Variants in CDH2 observed in about 807,000 individuals in gnomAD.
CDH2 encodes the protein cadherin 2.
Under a neutral mutation model 92.0 loss-of-function variants are expected in CDH2, and 17 were observed. The observed-to-expected ratio is 0.18, with a 90% confidence interval of 0.13 to 0.28. The LOEUF (loss-of-function observed/expected upper bound fraction) is 0.28. CDH2 is among the 10% of genes least tolerant of loss of function. The probability of loss-of-function intolerance (pLI) is 1.00; values close to 1 mark genes in which losing one functional copy is unlikely to be tolerated. For missense variants in CDH2, 862 were observed against 1,133.1 expected (o/e 0.76, Z 3.44); for synonymous variants, 419 against 415.9 (o/e 1.01, Z -0.09).
chr18:27,937,890 A>AT (rs528277577), intron 6 of CDH2, among the ~76,000 whole-genome samples: 16 of 152,182 alleles, frequency 1.1e-4, no homozygotes, highest in African/African-American at 3.9e-4. Flanking sequence ...ACACCAAAAT[A>AT]TTTTTTTAAC....
chr18:28,074,323 A>G (rs2014677253), intron 2 of CDH2, among the ~76,000 whole-genome samples: 1 of 152,216 alleles, frequency 6.6e-6, no homozygotes, highest in Non-Finnish European at 1.5e-5. Context: ...AGCCACCAGC[A>G]TAACTGTGCA....
At chr18:28,117,117 AT>A (rs1331516884) in intron 2 of CDH2, among the ~76,000 whole-genome samples, 1 of 152,084 alleles carries the variant, frequency 6.6e-6, no homozygotes, top group African/African-American at 2.4e-5. Context: ...GCTATTTAAT[AT>A]TCTCTTTAAA....
chr18:27,966,380 G>A (rs1408354675), intron 14 of CDH2, among the ~76,000 whole-genome samples: 1 of 152,116 alleles, frequency 6.6e-6, no homozygotes, highest in Non-Finnish European at 1.5e-5. Context: ...GAATATAGAG[G>A]AATTTCGTTC....
At chr18:28,036,699 CAG>C (rs1246581129) in intron 2 of CDH2, 4 of 631,134 alleles carry the variant, frequency 6.3e-6, no homozygotes, top group East Asian at 2.6e-5. Context: ...GTCAGCAAAA[CAG>C]AGATTGGGTG....
intron 2 of CDH2, among the ~76,000 whole-genome samples, chr18:28,019,196 A>C (rs1191908782): frequency 6.6e-6 from 1 of 152,034 alleles, no homozygotes; most frequent in Non-Finnish European, 1.5e-5. Flanking sequence ...TACATTGTAC[A>C]CTGCTCGGGT....
intron 1 of CDH2, among the ~76,000 whole-genome samples, chr18:28,158,914 T>C (rs989507503): frequency 5.3e-5 from 8 of 152,214 alleles, no homozygotes; most frequent in Non-Finnish European, 8.8e-5. Context: ...GAAAATACAG[T>C]AATTTTTCAT....
intron 13 of CDH2, among the ~76,000 whole-genome samples, chr18:27,983,321 C>T (rs2012120357): frequency 6.6e-6 from 1 of 152,182 alleles, no homozygotes; most frequent in South Asian, 2.1e-4. Context: ...TGCAAACTCA[C>T]TTGAGAGGTG....
At chr18:28,145,312 A>G (rs1049643463) in intron 2 of CDH2, among the ~76,000 whole-genome samples, 1 of 152,194 alleles carries the variant, frequency 6.6e-6, no homozygotes, top group African/African-American at 2.4e-5. Flanking sequence ...AGAACATGCT[A>G]TGAGGTGAAT....
At chr18:28,152,734 G>C (rs146373084) in intron 1 of CDH2, among the ~76,000 whole-genome samples, 1 of 152,146 alleles carries the variant, frequency 6.6e-6, no homozygotes, top group South Asian at 2.1e-4. Flanking sequence ...AGCACAGACC[G>C]AATGCATCTG....
chr18:28,142,794 T>A (rs908196056), intron 2 of CDH2, among the ~76,000 whole-genome samples: 6 of 151,994 alleles, frequency 3.9e-5, no homozygotes, highest in African/African-American at 7.2e-5. Flanking sequence ...CATTTACACA[T>A]TTGATAAAAA....
intron 2 of CDH2, among the ~76,000 whole-genome samples, chr18:28,017,529 G>A (rs552406863): frequency 5.9e-5 from 9 of 152,164 alleles, no homozygotes; most frequent in Non-Finnish European, 1.2e-4. Flanking sequence ...CTCGTTAACG[G>A]TCTACTAGTT....
chr18:28,173,126 G>GT (rs1257559517), intron 1 of CDH2, among the ~76,000 whole-genome samples: 1 of 152,094 alleles, frequency 6.6e-6, no homozygotes, highest in Non-Finnish European at 1.5e-5. Flanking sequence ...TATCTAAAAA[G>GT]TATTTCCTTG....
intron 2 of CDH2, among the ~76,000 whole-genome samples, chr18:28,119,024 A>G (rs2015542707): frequency 6.6e-6 from 1 of 152,256 alleles, no homozygotes; most frequent in African/African-American, 2.4e-5. Context: ...AATCCATTGG[A>G]AAGTTCAAAA....
intron 11 of CDH2, 95 bp from the exon 12 acceptor site, chr18:27,985,856 C>T (rs1019995917): frequency 9.5e-6 from 7 of 734,360 alleles, no homozygotes; most frequent in African/African-American, 1.8e-5. Flanking sequence ...CCTTCTGGCC[C>T]TTTTAACTGT....
chr18:27,945,264 C>G (rs1014102090), intron 6 of CDH2, among the ~76,000 whole-genome samples: 6 of 148,736 alleles, frequency 4.0e-5, no homozygotes, highest in Admixed American at 2.7e-4. Context: ...CTCTTGCTTT[C>G]TCCCCTCTGA....
Position 28,058,899 on chromosome 18 carries a change from ATC to A in CDH2, c.173-44992_173-44991del, listed in dbSNP as rs1429978406. On this transcript the variant is annotated intron_variant, in intron 2 of 15. Coordinates refer to ENST00000269141, the MANE Select transcript of CDH2 (RefSeq NM_001792.5). ...CTAGTATTTTTTGTTGTGCATAAAT[ATC>A]TTAAGTATTGTAGACACTTGGTTAC... 2.0e-5 allele frequency among the ~76,000 whole-genome samples: 3 copies of A among 152,340 alleles called. No homozygotes were observed. The East Asian group carries it at 5.8e-4, about 29-fold the overall frequency.
chr18:28,024,882 A>G (rs2013508626), intron 2 of CDH2, among the ~76,000 whole-genome samples: 1 of 152,128 alleles, frequency 6.6e-6, no homozygotes. Context: ...AAGCAAAGAA[A>G]GAGTAAAAAG....
chr18:28,162,275 T>G (rs2016317282), intron 1 of CDH2, among the ~76,000 whole-genome samples: 1 of 152,214 alleles, frequency 6.6e-6, no homozygotes. Flanking sequence ...CCCACTAGGA[T>G]GTCTCTGTGC....
intron 14 of CDH2, among the ~76,000 whole-genome samples, chr18:27,967,383 T>A (rs1468281284): frequency 6.6e-6 from 1 of 152,170 alleles, no homozygotes; most frequent in Non-Finnish European, 1.5e-5. Flanking sequence ...AATCCCATAA[T>A]GATGTACATA....
Sources: allele counts gnomAD v4.1 joint callset (sites outside exome capture counted in the v4.1 genomes callset), GRCh38; gene constraint gnomAD v4.1.1; transcripts MANE v1.5; gene names NCBI Gene and HGNC (gene_info 2026-07-23, HGNC 2026-07-21).